Variants in MCM9 observed in about 807,000 individuals in gnomAD.
MCM9 encodes minichromosome maintenance 9 homologous recombination repair factor, also known as DNA helicase MCM9.
Under a neutral mutation model 72.8 loss-of-function variants are expected in MCM9, and 55 were observed. The observed-to-expected ratio is 0.76, with a 90% CI of 0.61 to 0.95. MCM9 has a LOEUF of 0.95. Ranked by LOEUF, MCM9 falls within the 40% of genes least tolerant of loss-of-function variation. The pLI is 0.00. For missense variants in MCM9, 1,279 were observed against 1,377.0 expected (o/e 0.93, Z 1.13); for synonymous variants, 480 against 503.4 (o/e 0.95, Z 0.62).
chr6:118,918,039 T>C (rs1477870434), intron 5 of MCM9: 1 of 436,994 alleles, frequency 2.3e-6, no homozygotes, highest in African/African-American at 2.0e-5. Flanking sequence ...TACTTTTCAC[T>C]GGGAAAATAG....
chr6:118,827,249 C>G (rs1774226244), intron 11 of MCM9, among the ~76,000 whole-genome samples: 1 of 152,146 alleles, frequency 6.6e-6, no homozygotes, highest in African/African-American at 2.4e-5. Flanking sequence ...CTTTTCAAAG[C>G]TACCAAACAA....
At chr6:118,848,663 C>G (rs2357018) in intron 9 of MCM9, among the ~76,000 whole-genome samples, 24,460 of 149,622 alleles carry the variant, frequency 0.16, 2,235 homozygotes, top group Non-Finnish European at 0.2. Context: ...GTGGCTCACT[C>G]CTGTAATCCT....
chr6:118,896,395 T>C (rs188069281), intron 8 of MCM9, among the ~76,000 whole-genome samples: 1 of 151,704 alleles, frequency 6.6e-6, no homozygotes, highest in Non-Finnish European at 1.5e-5. Context: ...ATTTCTCAAG[T>C]GTTGCCTTCC....
intron 8 of MCM9, among the ~76,000 whole-genome samples, chr6:118,889,373 T>C (rs1461610066): frequency 2.0e-5 from 3 of 152,244 alleles, no homozygotes; most frequent in Admixed American, 6.5e-5. Flanking sequence ...TTTGTCTCTA[T>C]AGTAACCAAC....
chr6:118,858,265 C>T (rs145924685), intron 8 of MCM9, among the ~76,000 whole-genome samples: 1,672 of 152,188 alleles, frequency 0.011, 20 homozygotes, highest in Middle Eastern at 0.031. Context: ...AAAGAGCATA[C>T]AATTGCTTCA....
chr6:118,831,708 T>C (rs1455463036), intron 9 of MCM9, among the ~76,000 whole-genome samples: 3 of 152,158 alleles, frequency 2.0e-5, no homozygotes, highest in African/African-American at 7.2e-5. Context: ...TAGTAGTGGC[T>C]CACTAAATAC....
At chr6:118,934,500 T>A (rs1162293529) in intron 1 of MCM9, 3 of 151,780 alleles carry the variant, frequency 2.0e-5, no homozygotes, top group Non-Finnish European at 1.5e-5. Context: ...CCCGCCCGCC[T>A]GCACCTGCCG....
chr6:118,820,436 G>A (rs949847415), intron 13 of MCM9, among the ~76,000 whole-genome samples: 14 of 152,182 alleles, frequency 9.2e-5, no homozygotes, highest in African/African-American at 3.4e-4. Context: ...GCAGTTTTGA[G>A]TGAGTTTCTT....
intron 12 of MCM9, among the ~76,000 whole-genome samples, 182 bp from the exon 13 acceptor site, chr6:118,826,474 A>G (rs1774174851): frequency 6.6e-6 from 1 of 152,106 alleles, no homozygotes. Context: ...CTTGGTGGCA[A>G]TCATTGCTCT....
At position 118,898,181 on chromosome 6, in the gene MCM9, A is replaced by C. The variant is rs538988972; in HGVS notation, c.1150+13469T>G. On this transcript the variant is annotated intron_variant, in intron 8 of 13. Coordinates refer to ENST00000619706, the MANE Select transcript of MCM9 (RefSeq NM_017696.3). ...AGATTACTTAACCTCTCAGAGTCTCAAGTTATTTGCATAATGGGGATAATT... is the reference window on the plus strand; with the variant it reads ...AGATTACTTAACCTCTCAGAGTCTCCAGTTATTTGCATAATGGGGATAATT... Among the ~76,000 whole-genome samples, 5 of 152,282 alleles carry C rather than the reference A, an allele frequency of 3.3e-5. No homozygotes were observed. In the East Asian group the frequency reaches 9.6e-4, roughly 29 times the overall value.
At chr6:118,857,530 AAATAT>A (rs1268361818) in intron 8 of MCM9, among the ~76,000 whole-genome samples, 3 of 151,928 alleles carry the variant, frequency 2.0e-5, no homozygotes, top group Admixed American at 6.6e-5. Flanking sequence ...TATTTAAATA[AAATAT>A]AACTAAAGCT....
rs73521381 is a variant in MCM9 at position 118,931,511 on chromosome 6, A to G, written c.213T>C (p.Ser71=). 4.6e-3 allele frequency: 7,400 copies of G among 1,614,152 alleles called. 277 individuals are homozygous for G. The African/African-American group carries it at 0.081, about 18-fold the overall frequency. The change falls in exon 3 of 14, where the codon AGT becomes AGC. Residue 71 remains serine (S), a synonymous_variant. Transcript: ENST00000619706. ...TTGTCAAGGCTGACCTTCGCAGTGC[A>G]CTATCAAAAATTGTAAGCACTTCAC... ...FPSEVLTIFD[S]ALRRSALTIL...
At chr6:118,846,718 C>T (rs1431759269) in intron 9 of MCM9, among the ~76,000 whole-genome samples, 2 of 151,698 alleles carry the variant, frequency 1.3e-5, no homozygotes, top group Admixed American at 1.3e-4. Flanking sequence ...GACAAATCAA[C>T]CATCCCCTTA....
At chr6:118,839,817 G>A (rs906664122) in intron 9 of MCM9, among the ~76,000 whole-genome samples, 31 of 152,134 alleles carry the variant, frequency 2.0e-4, no homozygotes, top group African/African-American at 5.8e-4. Context: ...AGGGGCACCC[G>A]CCAGATGCCA....
At chr6:118,921,805 T>C (rs1318450895) in intron 5 of MCM9, 200 bp downstream of exon 5, 2 of 438,734 alleles carry the variant, frequency 4.6e-6, no homozygotes, top group Non-Finnish European at 4.1e-6. Context: ...AACAAGCACC[T>C]GGACTAGCTG....
chr6:118,871,812 C>T (rs1777616571), intron 8 of MCM9, among the ~76,000 whole-genome samples: 1 of 151,984 alleles, frequency 6.6e-6, no homozygotes, highest in Non-Finnish European at 1.5e-5. Flanking sequence ...GAGGCTGAGG[C>T]AGGAGAATGG....
At chr6:118,927,257 G>A (rs977525350) in intron 3 of MCM9, among the ~76,000 whole-genome samples, 1 of 152,222 alleles carries the variant, frequency 6.6e-6, no homozygotes, top group Non-Finnish European at 1.5e-5. Context: ...CGTTATGCAT[G>A]ATTGAAGAAT....
intron 1 of MCM9, among the ~76,000 whole-genome samples, chr6:118,933,457 G>T: frequency 6.7e-6 from 1 of 149,696 alleles, no homozygotes; most frequent in East Asian, 2.0e-4. Flanking sequence ...AGTGAGCCGA[G>T]ACCACGCCAC....
intron 8 of MCM9, among the ~76,000 whole-genome samples, chr6:118,876,117 G>A (rs146189073): frequency 3.3e-5 from 5 of 152,190 alleles, no homozygotes; most frequent in Non-Finnish European, 7.3e-5. Flanking sequence ...GTAAGTAAAA[G>A]AGGCCAATCT....
Sources: allele counts gnomAD v4.1 joint callset (sites outside exome capture counted in the v4.1 genomes callset), GRCh38; gene constraint gnomAD v4.1.1; transcripts MANE v1.5; gene names NCBI Gene and HGNC (gene_info 2026-07-23, HGNC 2026-07-21).